Variants in CATIP observed in about 807,000 individuals in gnomAD.
CATIP encodes the protein ciliogenesis associated TTC17 interacting protein.
In CATIP, 40 loss-of-function variants were observed where a neutral mutation model predicts 42.5. The ratio of observed to expected loss-of-function variants is 0.94; its 90% CI spans 0.73 to 1.22. CATIP has a LOEUF of 1.22. Ranked by LOEUF, CATIP falls within the 50% of genes most tolerant of loss-of-function variation. The pLI, the probability that CATIP is intolerant of heterozygous loss-of-function variation, is 0.00. For missense variants in CATIP, 489 were observed against 496.0 expected (o/e 0.99, Z 0.13); for synonymous variants, 222 against 200.2 (o/e 1.11, Z -0.92).
Position 218,356,998 on chromosome 2 carries a change from T to C in CATIP, c.25+89T>C, listed in dbSNP as rs1050479916. ...GGGTAGTCTTAGAGGATTCTGTTCT[T>C]GGGTGCTGGGGCCAGGACTGAGGTA... On this transcript the variant is annotated intron_variant, in intron 1 of 9. Transcript: ENST00000289388. The C allele has an allele frequency of 2.4e-5, 38 of 1,586,432 alleles. No homozygotes were observed. In the South Asian group the frequency reaches 2.9e-4, roughly 12 times the overall value.
intron 5 of CATIP, among the ~76,000 whole-genome samples, chr2:218,361,681 G>C (rs1179422676): frequency 6.6e-6 from 1 of 152,168 alleles, no homozygotes; most frequent in Non-Finnish European, 1.5e-5. Context: ...AATAGTGAGG[G>C]AGTTATATAG....
chr2:218,357,335 T>C (rs1695061836), intron 2 of CATIP, 148 bp downstream of exon 2: 12 of 704,632 alleles, frequency 1.7e-5, no homozygotes, highest in Non-Finnish European at 2.3e-5. Flanking sequence ...GGCCTGTTTG[T>C]TGACATTCTT....
chr2:218,356,971 C>CG, intron 1 of CATIP, 62 bp downstream of exon 1: 1 of 1,603,738 alleles, frequency 6.2e-7, no homozygotes, highest in Non-Finnish European at 8.5e-7. Context: ...AATCCACCCT[C>CG]GGGGTAGTCT....
At chr2:218,360,131 G>A (rs1157325879) in intron 4 of CATIP, among the ~76,000 whole-genome samples, 1 of 144,378 alleles carries the variant, frequency 6.9e-6, no homozygotes, top group Non-Finnish European at 1.5e-5. Flanking sequence ...TGGCCCTGCT[G>A]CTTGGTTTTT....
intron 3 of CATIP, 130 bp from the exon 4 acceptor site, chr2:218,357,907 A>G (rs1044125759): frequency 3.8e-6 from 4 of 1,064,588 alleles, no homozygotes; most frequent in Non-Finnish European, 4.4e-6. Flanking sequence ...ATGAGGGCAC[A>G]TCTTACCCAT....
intron 4 of CATIP, 122 bp from the exon 5 acceptor site, chr2:218,360,451 G>A (rs781498821): frequency 3.7e-5 from 27 of 735,706 alleles, no homozygotes; most frequent in African/African-American, 3.0e-4. Flanking sequence ...TGCCCGGCCC[G>A]GCTGCTTTTT....
In CATIP at chr2:218,357,649, A is replaced by G; in HGVS notation, c.234A>G (p.Lys78=). 6.2e-7 allele frequency: 1 copy of G among 1,613,300 alleles called. No homozygotes were observed. Among genetic ancestry groups the G allele is most frequent in the Non-Finnish European group, 8.5e-7 (1 of 1,179,828 alleles). ...TGCAGAGAGGGAAATACCAGGAAAA[A>G]CTCGGCATGCTGACATACTGCCTCT... ...IEVQRGKYQE[K]LGMLTYCLFV... The change falls in exon 3 of 10, where the codon AAA becomes AAG. Residue 78 remains lysine (K), a synonymous_variant. Transcript: ENST00000289388.
At chr2:218,363,305 C>A (rs1424984567) in intron 6 of CATIP, among the ~76,000 whole-genome samples, 1 of 149,096 alleles carries the variant, frequency 6.7e-6, no homozygotes, top group Non-Finnish European at 1.5e-5. Context: ...ATGGTGAAAC[C>A]CCGCCTCTAC....
intron 7 of CATIP, 27 bp downstream of exon 7, chr2:218,364,779 G>A (rs768529989): frequency 1.2e-6 from 2 of 1,604,632 alleles, no homozygotes; most frequent in Non-Finnish European, 1.7e-6. Flanking sequence ...GGGCCCAGAG[G>A]GGTGGTGCTG....
At position 218,357,220 on chromosome 2, in the gene CATIP, G is replaced by A. The variant is rs754539806; in HGVS notation, c.118+33G>A. 22 of 1,531,246 alleles carry A rather than the reference G, an allele frequency of 1.4e-5. No individual in the cohort carries two copies. The East Asian group carries it at 1.6e-4, about 11-fold the overall frequency. 94.9% of individuals were successfully genotyped at this position (1,531,246 alleles called of 1,614,324 possible). A position where few individuals can be genotyped will look rare whatever the true frequency, so the allele number is the denominator to read the frequency against. ...CAGACAGTGTCGGGGTTGGGGGTGC[G>A]GGAGGGGTGCAAGTCTGGAGAGGAG... On this transcript the variant is annotated intron_variant, in intron 2 of 9. Coordinates refer to ENST00000289388, the MANE Select transcript of CATIP (RefSeq NM_198559.2).
rs1005478018 is a variant in CATIP at position 218,367,703 on chromosome 2, G to A, written c.922-19G>A. ...CGGGGGTCCCGTCCGGCTGAGGCTC[G>A]GGCTCTGTCCCCTGCCAGGAGGAGC... On this transcript the variant is annotated intron_variant, in intron 9 of 9. Transcript: ENST00000289388. 3 of 1,583,440 alleles carry A rather than the reference G, an allele frequency of 1.9e-6. No homozygotes were observed. The highest frequency in any genetic ancestry group is 2.6e-6 in the Non-Finnish European group (3 of 1,168,864).
intron 9 of CATIP, 36 bp from the exon 10 acceptor site, chr2:218,367,686 C>G: frequency 6.3e-7 from 1 of 1,578,148 alleles, no homozygotes. Context: ...CGCGGGGGTC[C>G]CGTCCGGCTG....
In CATIP at chr2:218,359,742, A is replaced by G. The variant is rs144311907; in HGVS notation, c.376-831A>G. ...GTTTTTGAACTTTATATTGCATCAT[A>G]ACACGACTGCTATTCTTCAGCTTCA... is the stretch of plus-strand genomic sequence containing the variant. On this transcript the variant is annotated intron_variant, in intron 4 of 9. Coordinates refer to ENST00000289388, the MANE Select transcript of CATIP (RefSeq NM_198559.2). Among the ~76,000 whole-genome samples the G allele has an allele frequency of 9.9e-3, 1,501 of 152,078 alleles. 35 individuals carry two copies. Among genetic ancestry groups the G allele is most frequent in the African/African-American group, 0.035 (1,434 of 41,468 alleles).
At chr2:218,357,923 A>G (rs1695093403) in intron 3 of CATIP, 114 bp from the exon 4 acceptor site, 1 of 1,123,786 alleles carries the variant, frequency 8.9e-7, no homozygotes, top group Non-Finnish European at 1.4e-6. Context: ...CCCATCCTGT[A>G]GTTTTTCTGG....
chr2:218,357,244 A>C (rs1268508065), intron 2 of CATIP, 57 bp downstream of exon 2: 14 of 1,022,296 alleles, frequency 1.4e-5, no homozygotes, highest in Non-Finnish European at 1.9e-5. Context: ...TCTGGAGAGG[A>C]GGGAAGAAAG....
intron 7 of CATIP, 42 bp from the exon 8 acceptor site, chr2:218,366,982 T>A (rs764877433): frequency 2.7e-6 from 4 of 1,474,898 alleles, no homozygotes; most frequent in Non-Finnish European, 3.8e-6. Flanking sequence ...TAGCAGGCGG[T>A]CTGGGAAGAT....
Position 218,362,831 on chromosome 2 carries a change from C to A in CATIP, c.559C>A (p.Arg187=). 6 of 1,614,022 alleles carry A rather than the reference C, an allele frequency of 3.7e-6. No homozygotes were observed. The highest frequency in any genetic ancestry group is 4.2e-6 in the Non-Finnish European group (5 of 1,180,000). The change falls in exon 6 of 10, where the codon CGG becomes AGG. Residue 187 remains arginine, a synonymous_variant. Coordinates refer to ENST00000289388, the MANE Select transcript of CATIP (RefSeq NM_198559.2). ...NLVLLRVMAW[R]RMVPSNARFL... ...GGTGCTGCTCAGGGTGATGGCCTGG[C>A]GGCGGATGGTGCCCAGCAATGCCCG...
At chr2:218,359,979 C>A (rs1430595082) in intron 4 of CATIP, among the ~76,000 whole-genome samples, 2 of 151,878 alleles carry the variant, frequency 1.3e-5, no homozygotes, top group African/African-American at 4.8e-5. Flanking sequence ...ACATGCACCA[C>A]CACACCTGGT....
chr2:218,367,554 C>T, intron 9 of CATIP, 36 bp downstream of exon 9: 1 of 1,605,382 alleles, frequency 6.2e-7, no homozygotes, highest in Non-Finnish European at 8.5e-7. Context: ...GGTTCCCATT[C>T]CCCCATGGGC....
Sources: allele counts gnomAD v4.1 joint callset (sites outside exome capture counted in the v4.1 genomes callset), GRCh38; gene constraint gnomAD v4.1.1; transcripts MANE v1.5; gene names NCBI Gene and HGNC (gene_info 2026-07-23, HGNC 2026-07-21).